Variants in MAPKAP1 observed in about 807,000 individuals in gnomAD.
MAPKAP1 encodes target of rapamycin complex 2 subunit MAPKAP1.
In MAPKAP1, 20 loss-of-function variants were observed where a neutral mutation model predicts 65.7. The ratio of observed to expected loss-of-function variants is 0.30; its 90% CI spans 0.21 to 0.44. The LOEUF (loss-of-function observed/expected upper bound fraction) is 0.44. Among genes scored for constraint, MAPKAP1 ranks in the 20% least tolerant of loss-of-function variants. The pLI is 1.00. For synonymous variants in MAPKAP1, 222 were observed against 244.3 expected (o/e 0.91, Z 0.85); for missense variants, 423 against 648.0 (o/e 0.65, Z 3.77).
chr9:125,534,381 CT>C (rs1830015589), intron 7 of MAPKAP1, among the ~76,000 whole-genome samples: 1 of 152,178 alleles, frequency 6.6e-6, no homozygotes, highest in South Asian at 2.1e-4. Context: ...ATGCCACTAC[CT>C]TCTTTTGATA....
At chr9:125,706,507 C>T (rs990835620) in intron 1 of MAPKAP1, among the ~76,000 whole-genome samples, 1 of 151,986 alleles carries the variant, frequency 6.6e-6, no homozygotes, top group African/African-American at 2.4e-5. Context: ...GACTCCTTGC[C>T]ACTCCCATAA....
chr9:125,638,260 G>T lies in MAPKAP1; in HGVS notation c.498+19391C>A, dbSNP rs75885010. ...AAAGAGAGGGGACATGAAGCAGAGAGACCAGCCTGGAAGGTGCTCCTGTAA... is the reference window on the plus strand; with the variant it reads ...AAAGAGAGGGGACATGAAGCAGAGATACCAGCCTGGAAGGTGCTCCTGTAA... On this transcript the variant is annotated intron_variant, in intron 4 of 11. Coordinates refer to ENST00000265960, the MANE Select transcript of MAPKAP1 (RefSeq NM_001006617.3). Among the ~76,000 whole-genome samples the T allele has an allele frequency of 4.9e-3, 749 of 152,298 alleles. 5 individuals carry two copies. The highest frequency in any genetic ancestry group is 0.017 in the African/African-American group (708 of 41,538).
At chr9:125,505,950 C>T (rs1006256887) in intron 8 of MAPKAP1, 1 of 247,114 alleles carries the variant, frequency 4.0e-6, no homozygotes, top group Admixed American at 4.8e-5. Flanking sequence ...TTTTCTAAAA[C>T]CTGATGTCTG....
intron 10 of MAPKAP1, among the ~76,000 whole-genome samples, chr9:125,464,204 T>TTAAAAAAAAAAAAAA (rs1554805633): frequency 6.0e-5 from 5 of 83,332 alleles, no homozygotes; most frequent in South Asian, 5.1e-4. Flanking sequence ...TCTCATATAT[T>TTAAAAAAAAAAAAAA]AAAAAAAAAA....
chr9:125,595,939 G>C lies in MAPKAP1; in HGVS notation c.499-10212C>G. ...GTGGAACCAAAGAGAGCTGTCTCAA[G>C]AGAAGATTCTCAAAGACCAGGTGCC... On this transcript the variant is annotated intron_variant, in intron 4 of 11. Coordinates refer to ENST00000265960, the MANE Select transcript of MAPKAP1 (RefSeq NM_001006617.3). This position sits in a 1 kb window ranked among gnomAD's most constrained non-coding sequence, Gnocchi z 4.0. The C allele has an allele frequency of 2.9e-6, 4 of 1,387,608 alleles. No individual in the cohort carries two copies. The highest frequency in any genetic ancestry group is 4.0e-6 in the Non-Finnish European group (4 of 989,290). 86.0% of individuals were successfully genotyped at this position (1,387,608 alleles called of 1,614,324 possible).
At chr9:125,580,050 G>C (rs1396711847) in intron 5 of MAPKAP1, among the ~76,000 whole-genome samples, 2 of 152,210 alleles carry the variant, frequency 1.3e-5, no homozygotes, top group Admixed American at 1.3e-4. Context: ...GTGCTGGAGA[G>C]GATATGGAGA....
At chr9:125,678,359 C>T (rs1341757804) in intron 1 of MAPKAP1, among the ~76,000 whole-genome samples, 1 of 152,140 alleles carries the variant, frequency 6.6e-6, no homozygotes, top group South Asian at 2.1e-4. Flanking sequence ...TCTCCTGCCT[C>T]AGCCTCCTGA....
chr9:125,542,926 A>C, intron 7 of MAPKAP1, 133 bp downstream of exon 7: 1 of 788,164 alleles, frequency 1.3e-6, no homozygotes, highest in Non-Finnish European at 2.3e-6. Flanking sequence ...TTTCTTGCAT[A>C]GATCAGCTAA....
Position 125,559,799 on chromosome 9 carries a change from T to G in MAPKAP1, c.682A>C (p.Ser228Arg). 6.2e-7 allele frequency: 1 copy of G among 1,610,220 alleles called. No homozygotes were observed. Among genetic ancestry groups the G allele is most frequent in the East Asian group, 2.2e-5 (1 of 44,794 alleles). The change falls in exon 6 of 12, where the codon AGT becomes CGT. Residue 228 changes from serine to arginine, a missense_variant. Ser to Arg is a moderately radical substitution (Grantham distance 110). Around this residue, in one of 6 missense-constraint regions of MAPKAP1, gnomAD observed 98 missense variants for 200.5 expected, o/e 0.49. Coordinates refer to ENST00000265960, the MANE Select transcript of MAPKAP1 (RefSeq NM_001006617.3). The stretch of plus-strand genomic sequence containing the variant: ...TCAGCAATATGCAGGCAGTAGGCAC[T>G]GACATTGTCACTGAAAGGAAAACCA... ...GREPKLNDNV[S>R]AYCLHIAEDD...
At chr9:125,685,731 T>C (rs1834955005) in intron 1 of MAPKAP1, among the ~76,000 whole-genome samples, 1 of 152,250 alleles carries the variant, frequency 6.6e-6, no homozygotes, top group Admixed American at 6.5e-5. Context: ...CTGACTATCT[T>C]ACCCATCACT....
intron 4 of MAPKAP1, among the ~76,000 whole-genome samples, chr9:125,627,855 A>G (rs1216980425): frequency 6.6e-6 from 1 of 152,256 alleles, no homozygotes; most frequent in Non-Finnish European, 1.5e-5. Flanking sequence ...TGGAGCCAGA[A>G]GAGACCTCAG....
intron 3 of MAPKAP1, among the ~76,000 whole-genome samples, chr9:125,666,584 A>G (rs1186388067): frequency 6.6e-6 from 1 of 152,216 alleles, no homozygotes; most frequent in Non-Finnish European, 1.5e-5. Flanking sequence ...ACTTGAATCC[A>G]GAGTTTGAGG....
At chr9:125,561,317 G>C (rs566102543) in intron 5 of MAPKAP1, among the ~76,000 whole-genome samples, 1 of 152,214 alleles carries the variant, frequency 6.6e-6, no homozygotes, top group South Asian at 2.1e-4. Context: ...TACTTCAGGC[G>C]ATCTATACTC....
At chr9:125,528,928 G>A (rs1336098329) in intron 7 of MAPKAP1, among the ~76,000 whole-genome samples, 3 of 151,016 alleles carry the variant, frequency 2.0e-5, no homozygotes, top group Non-Finnish European at 4.4e-5. Flanking sequence ...ACTTTGGGAG[G>A]CCAAGGCAGG....
At chr9:125,629,055 AC>A (rs1359120645) in intron 4 of MAPKAP1, among the ~76,000 whole-genome samples, 1 of 7,106 alleles carries the variant, frequency 1.4e-4, no homozygotes, top group Admixed American at 1.4e-3. Context: ...CACTGTCAAA[AC>A]ACACACACAC....
intron 1 of MAPKAP1, among the ~76,000 whole-genome samples, chr9:125,699,569 T>C (rs1384255001): frequency 6.6e-6 from 1 of 152,112 alleles, no homozygotes; most frequent in Admixed American, 6.6e-5. Flanking sequence ...AGGTCAGGCA[T>C]AGAATTTTCC....
At chr9:125,692,672 A>C (rs1245694486) in intron 1 of MAPKAP1, among the ~76,000 whole-genome samples, 2 of 152,218 alleles carry the variant, frequency 1.3e-5, no homozygotes, top group Non-Finnish European at 2.9e-5. Flanking sequence ...ATTTTTAAAA[A>C]AGAAAGGGGA....
At chr9:125,533,228 T>C (rs1389371494) in intron 7 of MAPKAP1, among the ~76,000 whole-genome samples, 2 of 152,154 alleles carry the variant, frequency 1.3e-5, no homozygotes, top group Non-Finnish European at 2.9e-5. Context: ...AAAATAGTCG[T>C]GACTGACCAA....
intron 10 of MAPKAP1, among the ~76,000 whole-genome samples, chr9:125,466,155 G>A (rs1456912562): frequency 6.6e-6 from 1 of 152,164 alleles, no homozygotes; most frequent in Non-Finnish European, 1.5e-5. Flanking sequence ...TGAGGCAGGA[G>A]GATAGCCTGA....
Sources: allele counts gnomAD v4.1 joint callset (sites outside exome capture counted in the v4.1 genomes callset), GRCh38; gene constraint gnomAD v4.1.1; regional missense constraint gnomAD v4.1.1; non-coding constraint Gnocchi (gnomAD v3.1); transcripts MANE v1.5; gene names NCBI Gene and HGNC (gene_info 2026-07-23, HGNC 2026-07-21).